The following RBM6 variants were observed in gnomAD, a reference collection of about 807,000 sequenced individuals.
The protein encoded by RBM6 is RNA binding motif protein 6.
A neutral mutation model predicts 140.4 loss-of-function variants in RBM6; 23 were observed. The ratio of observed to expected loss-of-function variants is 0.16; its 90% CI spans 0.12 to 0.23. The LOEUF (loss-of-function observed/expected upper bound fraction) is 0.23, where lower values mean the gene tolerates loss of function less well. RBM6 is among the 10% of genes least tolerant of loss of function. The probability of loss-of-function intolerance (pLI) is 1.00; values close to 1 mark genes in which losing one functional copy is unlikely to be tolerated. For missense variants in RBM6, 1,139 were observed against 1,386.7 expected (o/e 0.82, Z 2.84); for synonymous variants, 439 against 475.6 (o/e 0.92, Z 1.00).
chr3:50,049,745 A>G (rs2089385941), intron 7 of RBM6, among the ~76,000 whole-genome samples: 1 of 152,172 alleles, frequency 6.6e-6, no homozygotes, highest in East Asian at 1.9e-4. Flanking sequence ...GATAAAATAC[A>G]TGTAACATTA....
At chr3:50,030,731 C>G (rs1304308804) in intron 6 of RBM6, among the ~76,000 whole-genome samples, 7 of 152,218 alleles carry the variant, frequency 4.6e-5, no homozygotes, top group Admixed American at 4.6e-4. Flanking sequence ...CAGGTTCTTT[C>G]AACCATGTAG....
chr3:49,941,809 C>G (rs1246546821), intron 1 of RBM6, among the ~76,000 whole-genome samples: 1 of 151,700 alleles, frequency 6.6e-6, no homozygotes, highest in African/African-American at 2.4e-5. Flanking sequence ...CTCAGGTGAT[C>G]CACCTGCCTT....
chr3:50,034,482 C>A (rs2088389691), intron 6 of RBM6, among the ~76,000 whole-genome samples: 1 of 152,270 alleles, frequency 6.6e-6, no homozygotes, highest in Non-Finnish European at 1.5e-5. Flanking sequence ...ATGGTGGTGG[C>A]CAGGTGCGGT....
intron 5 of RBM6, among the ~76,000 whole-genome samples, chr3:49,986,709 TCTCTCTTCTCTTCTC>T (rs989544870): frequency 2.0e-5 from 3 of 151,870 alleles, no homozygotes; most frequent in Non-Finnish European, 2.9e-5. Flanking sequence ...TGTCTCTTTC[TCTCTCTTCTCTTCTC>T]CTCTCTTCTC....
intron 6 of RBM6, among the ~76,000 whole-genome samples, chr3:50,040,734 G>A (rs1461627656): frequency 2.0e-5 from 3 of 150,534 alleles, no homozygotes; most frequent in Non-Finnish European, 4.4e-5. Context: ...TTGGCTCACT[G>A]CAGCCTCGAC....
chr3:49,955,222 A>G (rs1575535825), intron 1 of RBM6, among the ~76,000 whole-genome samples: 1 of 111,568 alleles, frequency 9.0e-6, no homozygotes, highest in Admixed American at 1.4e-4. Flanking sequence ...GCTGGAGTGC[A>G]GTGGTGTGAT....
chr3:49,994,900 G>A (rs1431972188), intron 5 of RBM6, among the ~76,000 whole-genome samples: 1 of 152,064 alleles, frequency 6.6e-6, no homozygotes, highest in African/African-American at 2.4e-5. Flanking sequence ...TGTTCATTGG[G>A]TTTTCCTAGA....
chr3:49,979,633 GT>G (rs2085214453), intron 5 of RBM6, among the ~76,000 whole-genome samples: 2 of 151,890 alleles, frequency 1.3e-5, no homozygotes, highest in South Asian at 4.1e-4. Flanking sequence ...TAGAGACGGG[GT>G]TTCGCCATGT....
chr3:49,989,399 A>G (rs2085712120), intron 5 of RBM6, among the ~76,000 whole-genome samples: 1 of 152,016 alleles, frequency 6.6e-6, no homozygotes, highest in East Asian at 1.9e-4. Flanking sequence ...ACATGGTGAA[A>G]CCCCATCTCT....
Position 49,999,646 on chromosome 3 carries a change from C to T in RBM6, c.1557+133C>T, listed in dbSNP as rs1006759569. 2.9e-5 allele frequency: 22 copies of T among 755,998 alleles called. No individual in the cohort carries two copies. The East Asian group carries it at 3.6e-4, about 12-fold the overall frequency. The allele number at this position is 755,998 out of a possible 1,614,324, so 46.8% of individuals were successfully genotyped here. ...GTGGAGCATACTGTATTCCAACCAT[C>T]GGTTGTGAGGAAAATCTTTAAAAAG... On this transcript the variant is annotated intron_variant, in intron 6 of 20. Coordinates refer to ENST00000266022, the MANE Select transcript of RBM6 (RefSeq NM_005777.3).
intron 6 of RBM6, among the ~76,000 whole-genome samples, chr3:50,009,060 C>T (rs1422612993): frequency 6.6e-6 from 1 of 152,220 alleles, no homozygotes. Flanking sequence ...TTTTCCCTGG[C>T]TCCTTATCCA....
chr3:49,988,856 G>A (rs1166863059), intron 5 of RBM6, among the ~76,000 whole-genome samples: 2 of 151,978 alleles, frequency 1.3e-5, no homozygotes, highest in Non-Finnish European at 2.9e-5. Flanking sequence ...CAGGTACTCC[G>A]GAGGCTGAGC....
chr3:50,039,264 A>G (rs909309402), intron 6 of RBM6, among the ~76,000 whole-genome samples: 1 of 152,070 alleles, frequency 6.6e-6, no homozygotes. Context: ...TTTGAGATGG[A>G]GTCTCGCTCT....
At chr3:49,959,424 C>G (rs2084176610) in intron 1 of RBM6, among the ~76,000 whole-genome samples, 1 of 146,552 alleles carries the variant, frequency 6.8e-6, no homozygotes, top group Non-Finnish European at 1.5e-5. Context: ...TGGTCTCAAT[C>G]TCCTGACCTT....
intron 19 of RBM6, among the ~76,000 whole-genome samples, chr3:50,071,979 G>C (rs758524469): frequency 2.6e-4 from 40 of 151,360 alleles, no homozygotes; most frequent in Middle Eastern, 3.4e-3. Flanking sequence ...AGCTACTCAG[G>C]AGGCTGGGGC....
At chr3:49,954,817 G>A (rs918346812) in intron 1 of RBM6, among the ~76,000 whole-genome samples, 2 of 150,492 alleles carry the variant, frequency 1.3e-5, no homozygotes, top group Admixed American at 1.3e-4. Flanking sequence ...GGAGTGCAGT[G>A]GCGCGATCTC....
intron 6 of RBM6, among the ~76,000 whole-genome samples, chr3:50,033,055 G>A (rs903644294): frequency 1.1e-4 from 17 of 152,008 alleles, no homozygotes; most frequent in Admixed American, 3.9e-4. Context: ...ACAGCACTTC[G>A]GGAGGCCAAG....
At chr3:50,076,016 T>C (rs1020349451) in intron 20 of RBM6, among the ~76,000 whole-genome samples, 11 of 151,678 alleles carry the variant, frequency 7.3e-5, no homozygotes, top group Non-Finnish European at 1.2e-4. Context: ...TCGCCCAGGC[T>C]GGAATGCAGT....
intron 8 of RBM6, among the ~76,000 whole-genome samples, chr3:50,054,778 G>A (rs2089635133): frequency 6.6e-6 from 1 of 151,992 alleles, no homozygotes; most frequent in South Asian, 2.1e-4. Flanking sequence ...GCCTCCCATA[G>A]TGCTGGGATT....
Sources: gnomAD v4.1 joint callset for allele counts (sites outside exome capture counted in the v4.1 genomes callset) on GRCh38, gnomAD v4.1.1 for gene constraint, MANE v1.5 for transcripts, NCBI Gene and HGNC (gene_info 2026-07-23, HGNC 2026-07-21) for gene names.